Variants in LCLAT1 observed in about 807,000 individuals in gnomAD.
LCLAT1 encodes 1-AGP acyltransferase 8.
A neutral mutation model predicts 30.7 loss-of-function variants in LCLAT1; 11 were observed. The ratio of observed to expected loss-of-function variants is 0.36; its 90% CI spans 0.23 to 0.59. The LOEUF (loss-of-function observed/expected upper bound fraction) is 0.59. Ranked by LOEUF, LCLAT1 falls within the 20% of genes least tolerant of loss-of-function variation. The probability of loss-of-function intolerance (pLI) is 0.77; values close to 1 mark genes in which losing one functional copy is unlikely to be tolerated. For missense variants in LCLAT1, 402 were observed against 458.6 expected (o/e 0.88, Z 1.13); for synonymous variants, 155 against 151.3 (o/e 1.02, Z -0.18).
intron 5 of LCLAT1, among the ~76,000 whole-genome samples, chr2:30,603,959 T>G (rs760159573): frequency 1.8e-4 from 28 of 152,256 alleles, no homozygotes; most frequent in Non-Finnish European, 3.1e-4. Context: ...AAATGATTTG[T>G]GGAATAAGAA....
chr2:30,526,277 G>A (rs536153142), intron 2 of LCLAT1, among the ~76,000 whole-genome samples: 8 of 151,922 alleles, frequency 5.3e-5, no homozygotes, highest in Non-Finnish European at 1.2e-4. Context: ...GTCTTGTCAC[G>A]TATGTCACAA....
intron 5 of LCLAT1, among the ~76,000 whole-genome samples, chr2:30,587,407 CTATT>C (rs1178698836): frequency 2.0e-5 from 3 of 152,002 alleles, no homozygotes; most frequent in East Asian, 1.9e-4. Context: ...TTTTTGGTAA[CTATT>C]TGTTATTGTT....
intron 1 of LCLAT1, among the ~76,000 whole-genome samples, chr2:30,516,220 T>C (rs980497180): frequency 5.9e-5 from 9 of 152,102 alleles, no homozygotes; most frequent in African/African-American, 2.2e-4. Flanking sequence ...CCCCTTTGGA[T>C]CCCCTCCCAT....
chr2:30,579,888 C>T (rs940998008), intron 5 of LCLAT1, among the ~76,000 whole-genome samples: 6 of 152,100 alleles, frequency 3.9e-5, no homozygotes, highest in Non-Finnish European at 8.8e-5. Flanking sequence ...AAGCAGTTTA[C>T]TACTTGTTCT....
chr2:30,496,160 TACTC>T (rs929759118), intron 1 of LCLAT1, among the ~76,000 whole-genome samples: 1 of 152,072 alleles, frequency 6.6e-6, no homozygotes, highest in Non-Finnish European at 1.5e-5. Context: ...CATGAGAACT[TACTC>T]ACTATTATGA....
chr2:30,468,441 T>C lies in LCLAT1; in HGVS notation c.-5+21058T>C, dbSNP rs1260298964. On this transcript the variant is annotated intron_variant, in intron 1 of 5. Coordinates refer to ENST00000379509, the MANE Select transcript of LCLAT1 (RefSeq NM_001002257.3). ...CTTGGCAATTGCCCTGCAAAATTAA[T>C]TGAAATTTCCATTGTGGTCATTTGT... Among the ~76,000 whole-genome samples the C allele has an allele frequency of 3.9e-5, 6 of 152,202 alleles. No homozygotes were observed. In the East Asian group the frequency reaches 1.2e-3, roughly 29 times the overall value.
chr2:30,469,978 G>T (rs1211013568), intron 1 of LCLAT1, among the ~76,000 whole-genome samples: 4 of 152,074 alleles, frequency 2.6e-5, no homozygotes, highest in African/African-American at 9.7e-5. Context: ...TGATCCACCC[G>T]CCTCAGCCTC....
At chr2:30,518,828 T>A (rs558740825) in intron 1 of LCLAT1, among the ~76,000 whole-genome samples, 1 of 152,242 alleles carries the variant, frequency 6.6e-6, no homozygotes, top group Non-Finnish European at 1.5e-5. Context: ...TCAACTCACC[T>A]GGACTGTTTT....
intron 5 of LCLAT1, among the ~76,000 whole-genome samples, chr2:30,629,620 A>G (rs193198119): frequency 1.3e-5 from 2 of 152,352 alleles, no homozygotes; most frequent in Admixed American, 1.3e-4. Context: ...ACCAAGCATT[A>G]GTAAGAGTGT....
chr2:30,504,201 A>G (rs781680937), intron 1 of LCLAT1, among the ~76,000 whole-genome samples: 5 of 152,022 alleles, frequency 3.3e-5, no homozygotes, highest in Non-Finnish European at 7.4e-5. Context: ...TATATAACAT[A>G]TTACATAACA....
At chr2:30,541,845 A>G (rs1193471755) in intron 3 of LCLAT1, among the ~76,000 whole-genome samples, 1 of 151,956 alleles carries the variant, frequency 6.6e-6, no homozygotes, top group Non-Finnish European at 1.5e-5. Context: ...GTAGTGTAAG[A>G]GAGAGTTCCA....
chr2:30,519,292 C>A (rs1361301013), intron 1 of LCLAT1, among the ~76,000 whole-genome samples: 1 of 152,100 alleles, frequency 6.6e-6, no homozygotes, highest in African/African-American at 2.4e-5. Context: ...TAAATGGAGC[C>A]CCAGATGCAG....
intron 1 of LCLAT1, among the ~76,000 whole-genome samples, chr2:30,487,877 A>T (rs1219256501): frequency 6.6e-6 from 1 of 152,232 alleles, no homozygotes; most frequent in Non-Finnish European, 1.5e-5. Context: ...TCTTGGGCCA[A>T]GTGCTGAGCC....
chr2:30,513,224 A>G (rs1258054034), intron 1 of LCLAT1, among the ~76,000 whole-genome samples: 1 of 151,976 alleles, frequency 6.6e-6, no homozygotes, highest in Non-Finnish European at 1.5e-5. Flanking sequence ...TTGAATCTAA[A>G]CTGAGTTTAG....
intron 5 of LCLAT1, among the ~76,000 whole-genome samples, chr2:30,634,328 A>G (rs1668916767): frequency 6.6e-6 from 1 of 152,218 alleles, no homozygotes; most frequent in African/African-American, 2.4e-5. Flanking sequence ...ATCTAGATTT[A>G]TAATTTAAAC....
intron 5 of LCLAT1, among the ~76,000 whole-genome samples, chr2:30,611,236 TA>T (rs1230050984): frequency 2.6e-5 from 4 of 152,136 alleles, no homozygotes; most frequent in Non-Finnish European, 4.4e-5. Flanking sequence ...GTGAACATGA[TA>T]AAGCTACATG....
intron 2 of LCLAT1, among the ~76,000 whole-genome samples, chr2:30,532,259 A>G (rs182948724): frequency 1.3e-5 from 2 of 152,258 alleles, no homozygotes; most frequent in Admixed American, 6.5e-5. Context: ...CAGTTTGTCT[A>G]TTGGCTATAC....
intron 5 of LCLAT1, among the ~76,000 whole-genome samples, chr2:30,619,955 T>G (rs72863017): frequency 0.013 from 2,037 of 152,334 alleles, 36 homozygotes; most frequent in African/African-American, 0.046. Flanking sequence ...CTGTTATTAC[T>G]GAGTAATTCA....
chr2:30,573,166 G>A (rs959396550), intron 5 of LCLAT1, among the ~76,000 whole-genome samples: 2 of 152,078 alleles, frequency 1.3e-5, no homozygotes, highest in African/African-American at 4.8e-5. Context: ...TTGTTGGCCC[G>A]CCCCCCTCTG....
Sources: allele counts gnomAD v4.1 joint callset (sites outside exome capture counted in the v4.1 genomes callset), GRCh38; gene constraint gnomAD v4.1.1; transcripts MANE v1.5; gene names NCBI Gene and HGNC (gene_info 2026-07-23, HGNC 2026-07-21).